The following USP24 variants were observed in gnomAD, a reference collection of about 807,000 sequenced individuals.
The protein encoded by USP24 is ubiquitin specific peptidase 24, also known as ubiquitin carboxyl-terminal hydrolase 24.
USP24 carries 97 observed loss-of-function variants against 361.6 expected under a neutral mutation model. The observed-to-expected ratio is 0.27, with a 90% CI of 0.23 to 0.32. USP24 has a LOEUF of 0.32. Ranked by LOEUF, USP24 falls within the 10% of genes least tolerant of loss-of-function variation. USP24 has a pLI of 1.00. For synonymous variants in USP24, 1,098 were observed against 1,124.6 expected (o/e 0.98, Z 0.47); for missense variants, 2,353 against 3,165.6 (o/e 0.74, Z 6.16).
In USP24 at chr1:55,081,535, G is replaced by A. The variant is rs1010782575; in HGVS notation, c.6976-111C>T. The A allele has an allele frequency of 1.8e-5, 19 of 1,035,214 alleles. No individual in the cohort carries two copies. In the African/African-American group the frequency reaches 3.0e-4, roughly 16 times the overall value. The allele number at this position is 1,035,214 out of a possible 1,614,324, so 64.1% of individuals were successfully genotyped here. On this transcript the variant is annotated intron_variant, in intron 58 of 67. Transcript: ENST00000294383. Reference sequence around the variant, plus strand: ...TATTCTGGGCTTTAATTATTTCTCAGTGCTTGACAGAAGAGGTCAAGGTAC... The same window carrying A: ...TATTCTGGGCTTTAATTATTTCTCAATGCTTGACAGAAGAGGTCAAGGTAC...
At chr1:55,121,571 G>A in intron 36 of USP24, 65 bp from the exon 37 acceptor site, 1 of 1,383,940 alleles carries the variant, frequency 7.2e-7, no homozygotes, top group Non-Finnish European at 1.0e-6. Flanking sequence ...TTCAAATTTT[G>A]ATTAATTTCT....
rs147635760 is a variant in USP24, at chr1:55,190,979, C to T, written c.325-12847G>A. On this transcript the variant is annotated intron_variant, in intron 1 of 67. Transcript: ENST00000294383. ...AATATCTTTGCTGCTTTTTATGATA[C>T]TCCATCAACTTCATTTAAAATTGAA... Among the ~76,000 whole-genome samples the T allele has an allele frequency of 7.0e-4, 106 of 152,286 alleles. 2 individuals are homozygous for T. In the East Asian group the frequency reaches 0.02, roughly 29 times the overall value.
intron 1 of USP24, among the ~76,000 whole-genome samples, chr1:55,191,490 CTT>C (rs1491178621): frequency 7.1e-5 from 4 of 56,672 alleles, no homozygotes; most frequent in African/African-American, 1.4e-4. Context: ...CAATATGGCA[CTT>C]TCTTTTTTTT....
chr1:55,170,221 A>G (rs1649306971), intron 5 of USP24, among the ~76,000 whole-genome samples: 1 of 152,130 alleles, frequency 6.6e-6, no homozygotes, highest in Admixed American at 6.6e-5. Flanking sequence ...TAGAAAGCTG[A>G]AGGAGGAATA....
At chr1:55,143,680 A>G (rs1216482596) in intron 21 of USP24, among the ~76,000 whole-genome samples, 2 of 151,812 alleles carry the variant, frequency 1.3e-5, no homozygotes, top group African/African-American at 4.8e-5. Context: ...TAAGCTGTAC[A>G]TCCTAGTTTT....
chr1:55,158,833 T>G (rs1647967271), intron 10 of USP24, 45 bp downstream of exon 10: 1 of 1,368,370 alleles, frequency 7.3e-7, no homozygotes, highest in Admixed American at 2.8e-5. Context: ...TGGCAGAACT[T>G]AGTATCTGTG....
chr1:55,083,871 C>A lies in USP24; in HGVS notation c.6783G>T (p.Gln2261His). ...FYQDKLKSLH[Q>H]LLEVLLALLD... is the part of the protein sequence containing the mutation. ...ACAGAGCAAGTAGTACCTCCAGTAA[C>A]TGATGAAGGCTTTTTAACTGGTTAG... Residue 2261 changes from glutamine to histidine, a missense_variant, in exon 57 of 68, where the codon CAG (glutamine) becomes CAT (histidine). Physicochemically the swap from Gln to His is conservative, Grantham distance 24 (BLOSUM62 0). This residue lies in a region of USP24 where 598 missense variants were observed against 761.9 expected (regional missense o/e 0.78). Transcript: ENST00000294383. The A allele has an allele frequency of 6.9e-6, 11 of 1,597,200 alleles. No homozygotes were observed. The South Asian group carries it at 1.1e-4, about 17-fold the overall frequency.
intron 1 of USP24, among the ~76,000 whole-genome samples, 192 bp downstream of exon 1, chr1:55,214,598 C>T (rs116719393): frequency 2.0e-5 from 3 of 152,092 alleles, no homozygotes; most frequent in African/African-American, 7.2e-5. Context: ...GTCCCTCTCC[C>T]CACTTACCCC....
At chr1:55,183,349 TG>T (rs1178843898) in intron 1 of USP24, among the ~76,000 whole-genome samples, 28 of 152,248 alleles carry the variant, frequency 1.8e-4, no homozygotes, top group African/African-American at 6.5e-4. Context: ...TATACACACA[TG>T]CACATTATAT....
chr1:55,140,929 C>CA (rs749662622), intron 24 of USP24, among the ~76,000 whole-genome samples: 3 of 152,118 alleles, frequency 2.0e-5, no homozygotes, highest in Non-Finnish European at 4.4e-5. Context: ...AATCTGTTAT[C>CA]AGAGAACTAC....
intron 1 of USP24, among the ~76,000 whole-genome samples, chr1:55,212,162 T>C (rs1481765587): frequency 6.6e-6 from 1 of 152,254 alleles, no homozygotes; most frequent in Non-Finnish European, 1.5e-5. Flanking sequence ...ACAAGGGAGC[T>C]GCACTAATTA....
At chr1:55,150,707 G>A (rs573775929) in intron 16 of USP24, among the ~76,000 whole-genome samples, 2 of 152,204 alleles carry the variant, frequency 1.3e-5, no homozygotes, top group South Asian at 4.1e-4. Flanking sequence ...CAAAGAAAAA[G>A]TCTATAAAAC....
intron 36 of USP24, among the ~76,000 whole-genome samples, chr1:55,123,217 C>A (rs1646332706): frequency 6.6e-6 from 1 of 152,222 alleles, no homozygotes; most frequent in African/African-American, 2.4e-5. Context: ...GGTGTGCAGA[C>A]ATACTGCTCT....
At chr1:55,209,969 T>C (rs1236534403) in intron 1 of USP24, among the ~76,000 whole-genome samples, 1 of 152,238 alleles carries the variant, frequency 6.6e-6, no homozygotes, top group Non-Finnish European at 1.5e-5. Context: ...TCTATTAATG[T>C]TGAAACCTTT....
intron 1 of USP24, among the ~76,000 whole-genome samples, chr1:55,197,087 G>A (rs940806210): frequency 3.3e-5 from 5 of 152,222 alleles, no homozygotes; most frequent in Admixed American, 2.0e-4. Context: ...CTTTAGGCCT[G>A]TTACAGAAAA....
intron 38 of USP24, among the ~76,000 whole-genome samples, chr1:55,118,515 A>C (rs1054333761): frequency 6.6e-6 from 1 of 152,220 alleles, no homozygotes; most frequent in Non-Finnish European, 1.5e-5. Context: ...AGAAGAAAAC[A>C]GGGAAAACTT....
At chr1:55,108,278 C>T (rs1276494922) in intron 39 of USP24, among the ~76,000 whole-genome samples, 7 of 152,120 alleles carry the variant, frequency 4.6e-5, no homozygotes, top group Non-Finnish European at 1.0e-4. Context: ...CTCACTTGCC[C>T]CTTCAAACAA....
At chr1:55,118,603 A>G (rs1444237127) in intron 38 of USP24, among the ~76,000 whole-genome samples, 2 of 152,238 alleles carry the variant, frequency 1.3e-5, no homozygotes, top group African/African-American at 4.8e-5. Flanking sequence ...ATACATACAC[A>G]GGACACCATC....
In USP24 at chr1:55,124,544, C is replaced by A; in HGVS notation, c.4045G>T (p.Val1349Phe). ...WAAAAGRLDL[V>F]GSSQPIKESN... is the part of the protein sequence containing the mutation. ...TCTTTAATTGGCTGGCTACTCCCAA[C>A]AAGATCAAGCCGTCCTGCAGCCGCA... The change falls in exon 35 of 68, where the codon GTT becomes TTT. Residue 1349 changes from valine to phenylalanine, a missense_variant. By Grantham distance (50) the Val-to-Phe change is conservative. This residue lies in a region of USP24 where 949 missense variants were observed against 1,280.5 expected (regional missense o/e 0.74). Coordinates refer to ENST00000294383, the MANE Select transcript of USP24 (RefSeq NM_015306.3). 1.2e-6 allele frequency: 2 copies of A among 1,613,896 alleles called. No individual in the cohort carries two copies. Among genetic ancestry groups the A allele is most frequent in the Non-Finnish European group, 1.7e-6 (2 of 1,179,852 alleles).
Sources: gnomAD v4.1 joint callset for allele counts (sites outside exome capture counted in the v4.1 genomes callset) on GRCh38, gnomAD v4.1.1 for gene constraint, gnomAD v4.1.1 regional missense constraint, MANE v1.5 for transcripts, NCBI Gene and HGNC (gene_info 2026-07-23, HGNC 2026-07-21) for gene names.